Variants in CALN1 observed in about 807,000 individuals in gnomAD.
The protein encoded by CALN1 is calcium-binding protein 8.
Under a neutral mutation model 30.6 loss-of-function variants are expected in CALN1, and 17 were observed. The ratio of observed to expected loss-of-function variants is 0.56; its 90% CI spans 0.38 to 0.83. The LOEUF (loss-of-function observed/expected upper bound fraction) is 0.83. Ranked by LOEUF, CALN1 falls within the 40% of genes least tolerant of loss-of-function variation. The pLI is 0.00. For missense variants in CALN1, 291 were observed against 354.9 expected, an observed-to-expected ratio of 0.82 and a Z score of 1.45; for synonymous variants, 156 against 131.4, an observed-to-expected ratio of 1.19 and a Z score of -1.28.
intron 3 of CALN1, among the ~76,000 whole-genome samples, chr7:72,210,383 T>C (rs1035139786): frequency 6.6e-6 from 1 of 152,152 alleles, no homozygotes; most frequent in Admixed American, 6.6e-5. Context: ...AGTGAACATT[T>C]AGGCTGGGTG....
At chr7:72,316,459 T>A (rs1800453438) in intron 2 of CALN1, among the ~76,000 whole-genome samples, 4 of 151,938 alleles carry the variant, frequency 2.6e-5, no homozygotes, top group South Asian at 2.1e-4. Context: ...CTTCAGATAA[T>A]AAAGAGGGGA....
intron 3 of CALN1, among the ~76,000 whole-genome samples, chr7:72,229,268 G>T (rs1231119181): frequency 6.6e-6 from 1 of 151,944 alleles, no homozygotes; most frequent in Admixed American, 6.6e-5. Context: ...CTTGAGATGG[G>T]GGTATTATCC....
At chr7:71,904,417 C>T (rs1452375870) in intron 5 of CALN1, among the ~76,000 whole-genome samples, 1 of 152,142 alleles carries the variant, frequency 6.6e-6, no homozygotes, top group Non-Finnish European at 1.5e-5. Flanking sequence ...AACTAGAGGA[C>T]ATTGTTAAGG....
chr7:72,022,314 T>TA (rs1181242529), intron 5 of CALN1, among the ~76,000 whole-genome samples: 3 of 152,230 alleles, frequency 2.0e-5, no homozygotes, highest in Admixed American at 2.0e-4. Context: ...TTCAAGGAGT[T>TA]ACAGTCTAGT....
In CALN1 at chr7:72,417,923, C is replaced by G. The variant is rs1325866584; in HGVS notation, c.-225-5648G>C. ...CTCCTCCCTCTGCTGAGCTGTTTTT[C>G]CCTGTTCCTCTTTTTGTTTGTTTGT... On this transcript the variant is annotated intron_variant, in intron 1 of 6. Coordinates refer to the CALN1 transcript ENST00000395276. 9.2e-5 allele frequency among the ~76,000 whole-genome samples: 14 copies of G among 152,166 alleles called. 1 individual carries two copies. Among genetic ancestry groups the G allele is most frequent in the Admixed American group, 2.0e-4 (3 of 15,282 alleles).
intron 6 of CALN1, among the ~76,000 whole-genome samples, chr7:71,801,500 G>A (rs1224909080): frequency 2.0e-5 from 3 of 150,494 alleles, no homozygotes; most frequent in Non-Finnish European, 4.4e-5. Context: ...TGTTGCCCAG[G>A]TTGCAGGTTA....
chr7:72,007,115 G>C (rs1205705537), intron 5 of CALN1, among the ~76,000 whole-genome samples: 2 of 152,092 alleles, frequency 1.3e-5, no homozygotes, highest in Non-Finnish European at 2.9e-5. Flanking sequence ...TAAAATTCTT[G>C]GACCAGGACT....
rs77227555 is a variant in CALN1, at chr7:72,276,526, T to C, written c.244+2160A>G. Among the ~76,000 whole-genome samples, 385 of 152,264 alleles carry C rather than the reference T, an allele frequency of 2.5e-3. 11 individuals carry two copies. In the East Asian group the frequency reaches 0.072, roughly 28 times the overall value. On this transcript the variant is annotated intron_variant, in intron 3 of 6. Transcript: ENST00000395275. ...TTGAATGTCCCTTCCAAACCTCACA[T>C]TGACATTTGATTAGCATTATGACAG...
chr7:72,201,743 A>T (rs1490204080), intron 3 of CALN1, among the ~76,000 whole-genome samples: 6 of 150,554 alleles, frequency 4.0e-5, no homozygotes, highest in Middle Eastern at 3.4e-3. Context: ...TGATTAAAAA[A>T]AAAAAAAAAA....
At chr7:72,202,868 A>C (rs1433108377) in intron 3 of CALN1, among the ~76,000 whole-genome samples, 1 of 152,220 alleles carries the variant, frequency 6.6e-6, no homozygotes, top group East Asian at 1.9e-4. Flanking sequence ...AAATCATTCT[A>C]CTATAAAGAC....
rs1554404544 is a variant in CALN1, at chr7:72,412,337, T to TCCCCAGCGGGCTC, written c.-354_-353insGAGCCCGCTGGGG. The TCCCCAGCGGGCTC allele has an allele frequency of 6.6e-6, 1 of 151,826 alleles. No individual in the cohort carries two copies. Among genetic ancestry groups the TCCCCAGCGGGCTC allele is most frequent in the Admixed American group, 6.6e-5 (1 of 15,254 alleles). 9.4% of individuals were successfully genotyped at this position (151,826 alleles called of 1,614,324 possible). A position where few individuals can be genotyped will look rare whatever the true frequency, so the allele number is the denominator to read the frequency against. On this transcript the variant is annotated 5_prime_UTR_variant, in exon 1 of 7. Transcript: ENST00000395275. ...CAAGCGGATAGCACCCCAGCGAGCT[T>TCCCCAGCGGGCTC]CCCCAGCGGGCTCGGGGAGCCAGCT...
At chr7:71,933,137 C>G (rs1264868858) in intron 5 of CALN1, among the ~76,000 whole-genome samples, 1 of 152,098 alleles carries the variant, frequency 6.6e-6, no homozygotes, top group Non-Finnish European at 1.5e-5. Flanking sequence ...AAAAAGCTAC[C>G]TGGGACTAGG....
chr7:72,371,573 G>A (rs559395734), intron 2 of CALN1, among the ~76,000 whole-genome samples: 1 of 152,008 alleles, frequency 6.6e-6, no homozygotes, highest in Non-Finnish European at 1.5e-5. Context: ...GGCCTCCCCA[G>A]ACATGTGGAA....
intron 2 of CALN1, among the ~76,000 whole-genome samples, chr7:72,362,569 A>G (rs528492173): frequency 3.9e-5 from 6 of 152,126 alleles, no homozygotes; most frequent in African/African-American, 1.2e-4. Context: ...TTTCACAGAT[A>G]ATGATTCTCC....
chr7:72,387,196 G>A (rs1406781455), intron 2 of CALN1, among the ~76,000 whole-genome samples: 1 of 131,100 alleles, frequency 7.6e-6, no homozygotes, highest in South Asian at 2.9e-4. Context: ...AAGGAAGGGA[G>A]GGAGGGAGGG....
At chr7:72,179,797 G>A (rs1789625663) in intron 3 of CALN1, among the ~76,000 whole-genome samples, 1 of 151,614 alleles carries the variant, frequency 6.6e-6, no homozygotes, top group Non-Finnish European at 1.5e-5. Flanking sequence ...TCACCCCTAC[G>A]CACTGCAATG....
At chr7:72,282,105 A>G (rs969048782) in intron 2 of CALN1, among the ~76,000 whole-genome samples, 7 of 152,200 alleles carry the variant, frequency 4.6e-5, no homozygotes, top group African/African-American at 1.7e-4. Flanking sequence ...TAAGTAAGCT[A>G]AAAACAGCTG....
At chr7:72,025,197 C>T (rs1800976952) in intron 4 of CALN1, among the ~76,000 whole-genome samples, 1 of 152,134 alleles carries the variant, frequency 6.6e-6, no homozygotes, top group Admixed American at 6.5e-5. Flanking sequence ...GTAATCCCAG[C>T]TACTTGGGAG....
chr7:72,083,681 G>A (rs1364622538), intron 4 of CALN1, among the ~76,000 whole-genome samples: 1 of 152,172 alleles, frequency 6.6e-6, no homozygotes, highest in African/African-American at 2.4e-5. Context: ...AGCACTTTGG[G>A]AGGCCGAGGC....
Sources: gnomAD v4.1 joint callset for allele counts (sites outside exome capture counted in the v4.1 genomes callset) on GRCh38, gnomAD v4.1.1 for gene constraint, MANE v1.5 for transcripts, NCBI Gene and HGNC (gene_info 2026-07-23, HGNC 2026-07-21) for gene names.